CDH6: variants seen among roughly 807,000 people sequenced by gnomAD.
CDH6 encodes the protein cadherin-6.
CDH6 carries 31 observed loss-of-function variants against 78.0 expected under a neutral mutation model. The observed-to-expected ratio is 0.40, with a 90% CI of 0.30 to 0.54. CDH6 has a LOEUF of 0.54. Ranked by LOEUF, CDH6 falls within the 20% of genes least tolerant of loss-of-function variation. The pLI, the probability that CDH6 is intolerant of heterozygous loss-of-function variation, is 0.56. For synonymous variants in CDH6, 376 were observed against 368.8 expected, an observed-to-expected ratio of 1.02 and a Z score of -0.23; for missense variants, 724 against 975.9, an observed-to-expected ratio of 0.74 and a Z score of 3.44.
intron 1 of CDH6, among the ~76,000 whole-genome samples, chr5:31,219,843 C>G (rs1054744648): frequency 6.6e-6 from 1 of 152,188 alleles, no homozygotes; most frequent in Non-Finnish European, 1.5e-5. Context: ...TATGCACTAT[C>G]AATCAACCAT....
At chr5:31,256,797 G>A (rs1742067897) in intron 1 of CDH6, among the ~76,000 whole-genome samples, 3 of 152,116 alleles carry the variant, frequency 2.0e-5, no homozygotes, top group South Asian at 4.1e-4. Flanking sequence ...ATTGATACTG[G>A]GATAAAAATT....
chr5:31,261,699 T>C (rs556457997), intron 1 of CDH6, among the ~76,000 whole-genome samples: 1 of 152,352 alleles, frequency 6.6e-6, no homozygotes, highest in Non-Finnish European at 1.5e-5. Flanking sequence ...GATAGCATTA[T>C]AGTAATATTG....
chr5:31,270,757 C>T (rs542384169), intron 2 of CDH6, among the ~76,000 whole-genome samples: 44 of 151,970 alleles, frequency 2.9e-4, no homozygotes, highest in African/African-American at 9.9e-4. Flanking sequence ...AGTTCAGCAG[C>T]GCAGTCTCCG....
At chr5:31,255,271 G>C (rs371572986) in intron 1 of CDH6, among the ~76,000 whole-genome samples, 1 of 152,208 alleles carries the variant, frequency 6.6e-6, no homozygotes, top group Admixed American at 6.5e-5. Flanking sequence ...TTACACAAGC[G>C]CACTGTGACG....
At chr5:31,201,914 G>C (rs1406895485) in intron 1 of CDH6, among the ~76,000 whole-genome samples, 2 of 152,034 alleles carry the variant, frequency 1.3e-5, no homozygotes, top group Non-Finnish European at 2.9e-5. Flanking sequence ...TATGATCTTT[G>C]ACCATATTAA....
In CDH6 at chr5:31,305,069, C is replaced by G. The variant is rs1370778358; in HGVS notation, c.1000-105C>G. ...AATGTGTTTCTCTAAGCAATATGATCGCATTCATTTATCAGTGGTTTACAC... is the reference window on the plus strand; with the variant it reads ...AATGTGTTTCTCTAAGCAATATGATGGCATTCATTTATCAGTGGTTTACAC... On this transcript the variant is annotated intron_variant, in intron 6 of 11. Transcript: ENST00000265071. 9 of 1,090,440 alleles carry G rather than the reference C, an allele frequency of 8.3e-6. 1 individual carries two copies. The highest frequency in any genetic ancestry group is 1.6e-5 in the African/African-American group (1 of 63,302). 67.5% of individuals were successfully genotyped at this position (1,090,440 alleles called of 1,614,324 possible). A position where few individuals can be genotyped will look rare whatever the true frequency, so the allele number is the denominator to read the frequency against.
chr5:31,326,734 C>T lies in CDH6; in HGVS notation c.*3426C>T, dbSNP rs989807327. The T allele has an allele frequency of 1.3e-5, 2 of 154,652 alleles. No individual in the cohort carries two copies. Among genetic ancestry groups the T allele is most frequent in the African/African-American group, 5.2e-5 (2 of 38,704 alleles). The allele number at this position is 154,652 out of a possible 1,614,324, so 9.6% of individuals were successfully genotyped here. ...TGAGACAGAATCTCGCTCTGTCGCCCAGGCTGGAATGCAGTGGCGCGATCT... is the reference window on the plus strand; with the variant it reads ...TGAGACAGAATCTCGCTCTGTCGCCTAGGCTGGAATGCAGTGGCGCGATCT... On this transcript the variant is annotated 3_prime_UTR_variant, in exon 12 of 12. Coordinates refer to ENST00000265071, the MANE Select transcript of CDH6 (RefSeq NM_004932.4).
intron 1 of CDH6, among the ~76,000 whole-genome samples, chr5:31,239,984 T>C (rs1324263364): frequency 6.6e-6 from 1 of 152,214 alleles, no homozygotes; most frequent in Non-Finnish European, 1.5e-5. Context: ...TTCATATCAA[T>C]TTATTACCTG....
intron 1 of CDH6, among the ~76,000 whole-genome samples, chr5:31,228,147 G>A (rs1410421732): frequency 4.6e-5 from 7 of 151,928 alleles, no homozygotes; most frequent in East Asian, 1.9e-4. Context: ...TCTTTGTCTC[G>A]GACTCATGCC....
At chr5:31,262,648 AG>A (rs1419178211) in intron 1 of CDH6, among the ~76,000 whole-genome samples, 2 of 152,192 alleles carry the variant, frequency 1.3e-5, no homozygotes, top group African/African-American at 4.8e-5. Flanking sequence ...GGCAGAAAAA[AG>A]GTTCAACATC....
chr5:31,275,593 C>A (rs563684241), intron 2 of CDH6, among the ~76,000 whole-genome samples: 11 of 152,208 alleles, frequency 7.2e-5, no homozygotes, highest in African/African-American at 2.6e-4. Flanking sequence ...TTTTCTTTAT[C>A]CAGTCTACCA....
chr5:31,223,566 A>G (rs1741058970), intron 1 of CDH6, among the ~76,000 whole-genome samples: 1 of 152,146 alleles, frequency 6.6e-6, no homozygotes, highest in Non-Finnish European at 1.5e-5. Flanking sequence ...TGCAGCTCTC[A>G]GTGATTTCAT....
intron 1 of CDH6, among the ~76,000 whole-genome samples, chr5:31,245,681 C>A (rs1199425144): frequency 6.6e-6 from 1 of 152,248 alleles, no homozygotes; most frequent in East Asian, 1.9e-4. Flanking sequence ...GGATTTTTAT[C>A]TACAAGAAAT....
chr5:31,287,208 G>A lies in CDH6; in HGVS notation c.229-6754G>A, dbSNP rs72749695. 3.5e-3 allele frequency among the ~76,000 whole-genome samples: 539 copies of A among 152,232 alleles called. 1 individual carries two copies. Among genetic ancestry groups the A allele is most frequent in the Non-Finnish European group, 4.9e-3 (330 of 68,006 alleles). ...TGTGGGGAGAGCATGTGAAAGGAGG[G>A]AGACAAGGACCAAAGACACAGGCCT... On this transcript the variant is annotated intron_variant, in intron 2 of 11. Transcript: ENST00000265071.
chr5:31,303,743 A>AAATAACAAG (rs1209571847), intron 6 of CDH6, among the ~76,000 whole-genome samples: 1 of 152,198 alleles, frequency 6.6e-6, no homozygotes, highest in East Asian at 1.9e-4. Context: ...CGGTGGATGT[A>AAATAACAAG]AATAACAAGA....
intron 1 of CDH6, among the ~76,000 whole-genome samples, chr5:31,228,009 G>C (rs1421924351): frequency 1.3e-5 from 2 of 152,194 alleles, no homozygotes; most frequent in Non-Finnish European, 2.9e-5. Context: ...CGGTGTGCTT[G>C]TGTTCTTTCT....
At chr5:31,303,539 T>C (rs778501150) in intron 6 of CDH6, among the ~76,000 whole-genome samples, 27 of 152,242 alleles carry the variant, frequency 1.8e-4, no homozygotes, top group Non-Finnish European at 2.8e-4. Context: ...TTCATTATTT[T>C]ATCCCCCAAA....
At chr5:31,215,251 A>C (rs1740831342) in intron 1 of CDH6, among the ~76,000 whole-genome samples, 1 of 152,166 alleles carries the variant, frequency 6.6e-6, no homozygotes, top group African/African-American at 2.4e-5. Flanking sequence ...CTAGGTTTCA[A>C]TATAGTTTCT....
chr5:31,254,611 G>A (rs1005273597), intron 1 of CDH6, among the ~76,000 whole-genome samples: 3 of 152,198 alleles, frequency 2.0e-5, no homozygotes, highest in African/African-American at 7.2e-5. Flanking sequence ...CCTATTGGGG[G>A]TCTTAGAACG....
Sources: allele counts gnomAD v4.1 joint callset (sites outside exome capture counted in the v4.1 genomes callset), GRCh38; gene constraint gnomAD v4.1.1; transcripts MANE v1.5; gene names NCBI Gene and HGNC (gene_info 2026-07-23, HGNC 2026-07-21).